MDGA1: variants seen among roughly 807,000 people sequenced by gnomAD.
MDGA1 encodes the protein MAM domain-containing glycosylphosphatidylinositol anchor protein 1.
In MDGA1, 54 loss-of-function variants were observed where a neutral mutation model predicts 101.5. That is an observed-to-expected ratio of 0.53 (90% CI 0.43 to 0.67). The LOEUF is 0.67. Among genes scored for constraint, MDGA1 ranks in the 30% least tolerant of loss-of-function variants. MDGA1 has a pLI of 0.00. For missense variants in MDGA1, 1,083 were observed against 1,323.8 expected (o/e 0.82, Z 2.82); for synonymous variants, 533 against 558.3 (o/e 0.95, Z 0.64).
intron 1 of MDGA1, among the ~76,000 whole-genome samples, chr6:37,680,429 AAGG>A (rs1164418717): frequency 1.3e-5 from 2 of 152,226 alleles, no homozygotes; most frequent in African/African-American, 4.8e-5. Flanking sequence ...GAGATGCATG[AAGG>A]AGGTGACAGA....
intron 8 of MDGA1, 87 bp downstream of exon 8, chr6:37,650,022 G>A (rs1351583498): frequency 7.2e-6 from 11 of 1,529,528 alleles, no homozygotes; most frequent in Middle Eastern, 1.7e-4. Context: ...GTTGGACTGG[G>A]GTGGGTGAGA....
chr6:37,668,219 C>G (rs904920635), intron 1 of MDGA1, among the ~76,000 whole-genome samples: 8 of 150,374 alleles, frequency 5.3e-5, no homozygotes, highest in Non-Finnish European at 8.8e-5. Flanking sequence ...CCACTGCATT[C>G]CAGCCTGGGC....
At position 37,637,298 on chromosome 6, in the gene MDGA1, A is replaced by G. The variant is rs1397405014; in HGVS notation, c.*70T>C. 9 of 1,296,260 alleles carry G rather than the reference A, an allele frequency of 6.9e-6. No individual in the cohort carries two copies. The highest frequency in any genetic ancestry group is 9.9e-6 in the Non-Finnish European group (9 of 906,502). 80.3% of individuals were successfully genotyped at this position (1,296,260 alleles called of 1,614,324 possible). ...CTGGGCACCCCAGCTGGCGGGGGTC[A>G]GTCTTTGGTACAATGTGGACACTTT... On this transcript the variant is annotated 3_prime_UTR_variant, in exon 17 of 17. Coordinates refer to ENST00000434837, the MANE Select transcript of MDGA1 (RefSeq NM_153487.4).
chr6:37,646,259 G>A lies in MDGA1; in HGVS notation c.2163C>T (p.Leu721=). 6.2e-7 allele frequency: 1 copy of A among 1,605,952 alleles called. No individual in the cohort carries two copies. The highest frequency in any genetic ancestry group is 8.5e-7 in the Non-Finnish European group (1 of 1,175,472). Residue 721 remains leucine (L), a synonymous_variant, in exon 11 of 17, where the codon CTC becomes CTT. Transcript: ENST00000434837. ...CAGCCCCGAAGGTGGTATAGGGTGT[G>A]AGGCGGACCTCATAGCTGTGGGGCA... ...LRVPHSYEVR[L]TPYTTFGAGD...
intron 1 of MDGA1, among the ~76,000 whole-genome samples, chr6:37,666,119 G>A (rs1241059460): frequency 2.6e-5 from 4 of 151,616 alleles, no homozygotes; most frequent in South Asian, 2.1e-4. Flanking sequence ...AGGCCGAGGC[G>A]GGTGGATCAC....
At chr6:37,672,633 A>G (rs1255115041) in intron 1 of MDGA1, among the ~76,000 whole-genome samples, 2 of 152,190 alleles carry the variant, frequency 1.3e-5, no homozygotes, top group African/African-American at 4.8e-5. Flanking sequence ...CACAGATGAC[A>G]GAGCAGGTGC....
intron 1 of MDGA1, among the ~76,000 whole-genome samples, chr6:37,687,032 T>G (rs1762211155): frequency 6.6e-6 from 1 of 152,138 alleles, no homozygotes; most frequent in Non-Finnish European, 1.5e-5. Context: ...GCACTGGACT[T>G]TGCATTGGGC....
intron 11 of MDGA1, 91 bp from the exon 12 acceptor site, chr6:37,646,047 G>GA (rs1761185795): frequency 6.3e-7 from 1 of 1,598,736 alleles, no homozygotes; most frequent in African/African-American, 1.3e-5. Flanking sequence ...AGGGTCCTCA[G>GA]AGCCAGGACT....
At chr6:37,663,375 C>CACGTT (rs1248192256) in intron 2 of MDGA1, among the ~76,000 whole-genome samples, 1 of 152,178 alleles carries the variant, frequency 6.6e-6, no homozygotes, top group Non-Finnish European at 1.5e-5. Context: ...AGATAGAGAT[C>CACGTT]ACGTTTTCTA....
At chr6:37,681,655 T>C (rs1201221401) in intron 1 of MDGA1, among the ~76,000 whole-genome samples, 1 of 152,268 alleles carries the variant, frequency 6.6e-6, no homozygotes, top group East Asian at 1.9e-4. Context: ...TAATGTGCAC[T>C]TGCACGAGGC....
In MDGA1 at chr6:37,638,957, T is replaced by C. The variant is rs1764000893; in HGVS notation, c.2537-290A>G. 2.8e-6 allele frequency: 1 copy of C among 359,162 alleles called. No homozygotes were observed. 22.2% of individuals were successfully genotyped at this position (359,162 alleles called of 1,614,324 possible). A position where few individuals can be genotyped will look rare whatever the true frequency, so the allele number is the denominator to read the frequency against. ...ATCTCCCCAACCCCAAACACACACATGCACACACACCCTACCCTTCCCCTC... is the reference window on the plus strand; with the variant it reads ...ATCTCCCCAACCCCAAACACACACACGCACACACACCCTACCCTTCCCCTC... On this transcript the variant is annotated intron_variant, in intron 14 of 16. Transcript: ENST00000434837. This position sits in a 1 kb window ranked among gnomAD's most constrained non-coding sequence, Gnocchi z 4.8.
rs1331970683 is a variant in MDGA1, at chr6:37,631,867, T to G, written c.*5501A>C. The G allele has an allele frequency of 6.6e-6, 1 of 152,212 alleles. No homozygotes were observed. The highest frequency in any genetic ancestry group is 6.5e-5 in the Admixed American group (1 of 15,268). 9.4% of individuals were successfully genotyped at this position (152,212 alleles called of 1,614,324 possible). A position where few individuals can be genotyped will look rare whatever the true frequency, so the allele number is the denominator to read the frequency against. ...CCCAAGTAGGGTGCAGGGTGGGGTCTGTAGGGCCAGAATAGAGATTAAGAG... is the reference window on the plus strand; with the variant it reads ...CCCAAGTAGGGTGCAGGGTGGGGTCGGTAGGGCCAGAATAGAGATTAAGAG... On this transcript the variant is annotated 3_prime_UTR_variant, in exon 17 of 17. Transcript: ENST00000434837.
intron 2 of MDGA1, 45 bp from the exon 3 acceptor site, chr6:37,658,464 G>A (rs758289661): frequency 6.4e-7 from 1 of 1,557,856 alleles, no homozygotes; most frequent in Admixed American, 1.8e-5. Context: ...GACTCACACG[G>A]GGTGGGGGCC....
intron 14 of MDGA1, among the ~76,000 whole-genome samples, chr6:37,643,549 G>A (rs968760857): frequency 2.0e-5 from 3 of 152,246 alleles, no homozygotes; most frequent in African/African-American, 7.2e-5. Context: ...TGGGATTACA[G>A]GCGTGAGCCA....
intron 7 of MDGA1, among the ~76,000 whole-genome samples, chr6:37,651,512 G>T (rs1323586200): frequency 6.6e-6 from 1 of 151,974 alleles, no homozygotes; most frequent in African/African-American, 2.4e-5. Context: ...TTTGTATTTT[G>T]GAACCAATTA....
Position 37,696,218 on chromosome 6 carries a change from G to A in MDGA1, c.67+527C>T, listed in dbSNP as rs976667509. Among the ~76,000 whole-genome samples, 2 of 152,196 alleles carry A rather than the reference G, an allele frequency of 1.3e-5. No individual in the cohort carries two copies. Among genetic ancestry groups the A allele is most frequent in the Non-Finnish European group, 2.9e-5 (2 of 68,032 alleles). ...CCGGGGTCGAAGGCGCCAGGGCCAGGGGATGCCGGCATCCTGATCAGGGTG... is the reference window on the plus strand; with the variant it reads ...CCGGGGTCGAAGGCGCCAGGGCCAGAGGATGCCGGCATCCTGATCAGGGTG... On this transcript the variant is annotated intron_variant, in intron 1 of 16. Coordinates refer to ENST00000434837, the MANE Select transcript of MDGA1 (RefSeq NM_153487.4). The surrounding 1 kb of genome is among the most constrained non-coding windows in gnomAD (Gnocchi z 5.6).
intron 1 of MDGA1, among the ~76,000 whole-genome samples, chr6:37,687,720 T>A (rs898175081): frequency 2.6e-5 from 4 of 151,936 alleles, no homozygotes; most frequent in African/African-American, 9.7e-5. Context: ...GATCCTCCCA[T>A]CTCAGCCTCC....
chr6:37,647,137 C>T (rs367677421), intron 10 of MDGA1, 36 bp downstream of exon 10: 19 of 1,561,396 alleles, frequency 1.2e-5, no homozygotes, highest in Non-Finnish European at 1.6e-5. Flanking sequence ...CACCACACTC[C>T]ACCTGCCCCC....
At chr6:37,648,921 TG>T in intron 9 of MDGA1, 60 bp downstream of exon 9, 1 of 1,510,268 alleles carries the variant, frequency 6.6e-7, no homozygotes, top group Non-Finnish European at 8.8e-7. Context: ...GGGCTGGGAT[TG>T]GGGCAGAGCC....
Sources: gnomAD v4.1 joint callset for allele counts (sites outside exome capture counted in the v4.1 genomes callset) on GRCh38, gnomAD v4.1.1 for gene constraint, Gnocchi (gnomAD v3.1) non-coding constraint, MANE v1.5 for transcripts, NCBI Gene and HGNC (gene_info 2026-07-23, HGNC 2026-07-21) for gene names.